INPP5B: variants seen among roughly 807,000 people sequenced by gnomAD.
The protein encoded by INPP5B is inositol polyphosphate-5-phosphatase B.
INPP5B carries 90 observed loss-of-function variants against 118.5 expected under a neutral mutation model. The observed-to-expected ratio is 0.76, with a 90% confidence interval of 0.64 to 0.90. The LOEUF is 0.90. INPP5B is among the 40% of genes least tolerant of loss of function. The probability of loss-of-function intolerance (pLI) is 0.00; values close to 1 mark genes in which losing one functional copy is unlikely to be tolerated. For synonymous variants in INPP5B, 385 were observed against 418.9 expected, an observed-to-expected ratio of 0.92 and a Z score of 0.99; for missense variants, 984 against 1,125.6, an observed-to-expected ratio of 0.87 and a Z score of 1.80.
intron 8 of INPP5B, among the ~76,000 whole-genome samples, 173 bp downstream of exon 8, chr1:37,891,185 C>CCTGGG (rs1643822362): frequency 6.6e-6 from 1 of 151,174 alleles, no homozygotes; most frequent in African/African-American, 2.4e-5. Context: ...CGAGATCATG[C>CCTGGG]CACTGAACTC....
At chr1:37,927,901 C>A (rs1645299289) in intron 7 of INPP5B, among the ~76,000 whole-genome samples, 1 of 152,118 alleles carries the variant, frequency 6.6e-6, no homozygotes, top group South Asian at 2.1e-4. Flanking sequence ...AGAGACAAAT[C>A]AAAGAAAAGA....
chr1:37,943,042 C>G (rs1645990649), intron 5 of INPP5B, among the ~76,000 whole-genome samples: 1 of 151,588 alleles, frequency 6.6e-6, no homozygotes, highest in Non-Finnish European at 1.5e-5. Flanking sequence ...CTCTTGTTGC[C>G]CAGGCTGGAG....
intron 18 of INPP5B, 63 bp from the exon 19 acceptor site, chr1:37,873,228 G>A: frequency 8.6e-7 from 1 of 1,164,618 alleles, no homozygotes; most frequent in South Asian, 1.2e-5. Flanking sequence ...GGGAAAGAAG[G>A]CAGGAGGGAA....
At chr1:37,931,342 T>C (rs1029797974) in intron 7 of INPP5B, 1 of 1,065,304 alleles carries the variant, frequency 9.4e-7, no homozygotes, top group Non-Finnish European at 1.3e-6. Flanking sequence ...AAGATCAGGA[T>C]TGAAGAGCAA....
rs1557692679 is a variant in INPP5B at position 37,916,409 on chromosome 1, TC to T, written c.532+15503del. ...GCAGTCTGGGCTTTTTCTTTTTCTTTCATTTTTTTTTTTTTCTTTTTTTTGA... is the reference window on the plus strand; with the variant it reads ...GCAGTCTGGGCTTTTTCTTTTTCTTTATTTTTTTTTTTTTCTTTTTTTTGA... On this transcript the variant is annotated intron_variant, in intron 7 of 23. Coordinates refer to ENST00000373024, the MANE Select transcript of INPP5B (RefSeq NM_005540.3). 4.2e-4 allele frequency among the ~76,000 whole-genome samples: 11 copies of T among 26,124 alleles called. No individual in the cohort carries two copies. The Admixed American group carries it at 8.9e-3, about 21-fold the overall frequency. The allele number at this position is 26,124 out of a possible 152,430, so 17.1% of individuals were successfully genotyped here. A position where few individuals can be genotyped will look rare whatever the true frequency, so the allele number is the denominator to read the frequency against.
chr1:37,893,423 T>C (rs1643906049), intron 7 of INPP5B, among the ~76,000 whole-genome samples: 1 of 152,076 alleles, frequency 6.6e-6, no homozygotes, highest in African/African-American at 2.4e-5. Context: ...TCTATGGTAT[T>C]TTGTTATAAC....
intron 8 of INPP5B, 151 bp downstream of exon 8, chr1:37,891,207 G>GT (rs1643824205): frequency 1.4e-5 from 7 of 514,486 alleles, no homozygotes; most frequent in Non-Finnish European, 2.1e-5. Context: ...AGCCTGGGCA[G>GT]TAAGAGCGAA....
At chr1:37,943,716 C>G in intron 4 of INPP5B, 47 bp from the exon 5 acceptor site, 1 of 1,612,910 alleles carries the variant, frequency 6.2e-7, no homozygotes, top group Non-Finnish European at 8.5e-7. Context: ...AGCTTACTCC[C>G]CCTTGCCCCC....
chr1:37,880,213 G>GA lies in INPP5B; in HGVS notation c.1432-20dup, dbSNP rs755575012. On this transcript the variant is annotated intron_variant, in intron 14 of 23. Transcript: ENST00000373024. ...TTTTCAGCTATACAAAAGGATGGGAGAAAAAAAAATATCAGAATAAAAAGG... is the reference window on the plus strand; with the variant it reads ...TTTTCAGCTATACAAAAGGATGGGAGAAAAAAAAAATATCAGAATAAAAAGG... 1,788 of 1,482,210 alleles carry GA rather than the reference G, an allele frequency of 1.2e-3. No individual in the cohort carries two copies. Among genetic ancestry groups the GA allele is most frequent in the South Asian group, 1.4e-3 (117 of 82,428 alleles). 91.8% of individuals were successfully genotyped at this position (1,482,210 alleles called of 1,614,324 possible). A position where few individuals can be genotyped will look rare whatever the true frequency, so the allele number is the denominator to read the frequency against.
At chr1:37,891,065 A>G (rs1236889369) in intron 8 of INPP5B, among the ~76,000 whole-genome samples, 2 of 151,962 alleles carry the variant, frequency 1.3e-5, no homozygotes, top group Admixed American at 1.3e-4. Flanking sequence ...CATCTCTATT[A>G]AAAATACAAA....
At chr1:37,931,774 A>G in intron 7 of INPP5B, 139 bp downstream of exon 7, 1 of 1,604,586 alleles carries the variant, frequency 6.2e-7, no homozygotes, top group Non-Finnish European at 8.5e-7. Flanking sequence ...CCGCCCCCAG[A>G]CGAACCCGCC....
intron 19 of INPP5B, 34 bp from the exon 20 acceptor site, chr1:37,868,648 G>A: frequency 1.4e-6 from 2 of 1,407,370 alleles, no homozygotes; most frequent in Non-Finnish European, 2.0e-6. Flanking sequence ...CAGAACTTCT[G>A]CCAGGCTGGC....
At chr1:37,893,334 C>G (rs2148529312) in intron 7 of INPP5B, among the ~76,000 whole-genome samples, 1 of 152,142 alleles carries the variant, frequency 6.6e-6, no homozygotes, top group East Asian at 1.9e-4. Flanking sequence ...ATCCTCCTGC[C>G]TTAGCCTCTC....
chr1:37,871,444 T>C (rs748780987), intron 19 of INPP5B, among the ~76,000 whole-genome samples: 1 of 149,956 alleles, frequency 6.7e-6, no homozygotes, highest in Non-Finnish European at 1.5e-5. Context: ...GTGGACAGAG[T>C]GAGACGCCGA....
At chr1:37,866,329 AAT>A (rs2148445922) in intron 21 of INPP5B, 128 bp downstream of exon 21, 1 of 605,406 alleles carries the variant, frequency 1.7e-6, no homozygotes, top group African/African-American at 1.8e-5. Flanking sequence ...CTGAGGATAC[AAT>A]ATCAGATTTT....
At chr1:37,887,200 C>G in intron 11 of INPP5B, 151 bp downstream of exon 11, 1 of 716,388 alleles carries the variant, frequency 1.4e-6, no homozygotes, top group South Asian at 1.8e-5. Context: ...TCTTTCCCAC[C>G]CGGAGGCACC....
chr1:37,889,679 G>A lies in INPP5B; in HGVS notation c.675C>T (p.Ser225=), dbSNP rs774709007. ...KSEITDMVRS[S]TITVSDKAHI... ...GAGCCTTGTCCGACACTGTGATAGTGGAGGAGCGAACCATGTCAGTAATTT... is the reference window on the plus strand; with the variant it reads ...GAGCCTTGTCCGACACTGTGATAGTAGAGGAGCGAACCATGTCAGTAATTT... The change falls in exon 9 of 24, where the codon TCC becomes TCT. Residue 225 remains serine (S), a synonymous_variant. Transcript: ENST00000373024. The A allele has an allele frequency of 1.7e-5, 27 of 1,613,534 alleles. No individual in the cohort carries two copies. Among genetic ancestry groups the A allele is most frequent in the Admixed American group, 6.7e-5 (4 of 59,904 alleles).
At chr1:37,883,856 T>C (rs1643357055) in intron 13 of INPP5B, 2 of 985,250 alleles carry the variant, frequency 2.0e-6, no homozygotes, top group East Asian at 1.1e-4. Flanking sequence ...ACGGCCCCAG[T>C]GGCTTCTTCC....
At position 37,887,453 on chromosome 1, in the gene INPP5B, A is replaced by G; in HGVS notation, c.912T>C (p.Leu304=). Residue 304 remains leucine (L), a synonymous_variant, in exon 11 of 24, where the codon CTT becomes CTC. Coordinates refer to ENST00000373024, the MANE Select transcript of INPP5B (RefSeq NM_005540.3). ...PDVYCVGFQE[L]DLSKEAFFFH... ...AGAAAAAAGCTTCCTTACTCAGATCAAGCTCCTGGAACCTATTTTGAGAAG... is the reference window on the plus strand; with the variant it reads ...AGAAAAAAGCTTCCTTACTCAGATCGAGCTCCTGGAACCTATTTTGAGAAG... The G allele has an allele frequency of 6.2e-7, 1 of 1,604,506 alleles. No homozygotes were observed. The highest frequency in any genetic ancestry group is 8.5e-7 in the Non-Finnish European group (1 of 1,172,928).
Sources: allele counts gnomAD v4.1 joint callset (sites outside exome capture counted in the v4.1 genomes callset), GRCh38; gene constraint gnomAD v4.1.1; transcripts MANE v1.5; gene names NCBI Gene and HGNC (gene_info 2026-07-23, HGNC 2026-07-21).